The following GLCE variants were observed in gnomAD, a reference collection of about 807,000 sequenced individuals.
GLCE encodes glucuronic acid epimerase, also known as D-glucuronyl C5-epimerase.
A neutral mutation model predicts 47.9 loss-of-function variants in GLCE; 19 were observed. That is an observed-to-expected ratio of 0.40 (90% confidence interval 0.28 to 0.58). GLCE has a LOEUF of 0.58. GLCE is among the 20% of genes least tolerant of loss of function. GLCE has a pLI of 0.48. For missense variants in GLCE, 556 were observed against 743.3 expected (o/e 0.75, Z 2.93); for synonymous variants, 245 against 263.4 (o/e 0.93, Z 0.68).
chr15:69,168,062 G>C (rs923265276), intron 1 of GLCE, among the ~76,000 whole-genome samples: 1 of 151,800 alleles, frequency 6.6e-6, no homozygotes, highest in Admixed American at 6.6e-5. Context: ...TATCCTTCTT[G>C]CCTGCTTTGT....
chr15:69,193,092 C>G (rs2051937735), intron 1 of GLCE, among the ~76,000 whole-genome samples: 1 of 151,942 alleles, frequency 6.6e-6, no homozygotes, highest in Non-Finnish European at 1.5e-5. Flanking sequence ...CCCCCTCCCC[C>G]TGAATTCTAG....
intron 2 of GLCE, among the ~76,000 whole-genome samples, chr15:69,240,307 A>G (rs200785427): frequency 5.2e-5 from 1 of 19,358 alleles, no homozygotes; most frequent in African/African-American, 9.6e-5. Context: ...AAAAAAAAAA[A>G]AAAGAAAAGA....
intron 2 of GLCE, among the ~76,000 whole-genome samples, chr15:69,249,100 G>C (rs777488398): frequency 6.6e-6 from 1 of 152,166 alleles, no homozygotes; most frequent in Non-Finnish European, 1.5e-5. Flanking sequence ...AGATAAGGTG[G>C]CCAGGGAAGC....
chr15:69,226,051 C>G (rs932284693), intron 2 of GLCE, among the ~76,000 whole-genome samples: 1 of 12,654 alleles, frequency 7.9e-5, no homozygotes, highest in African/African-American at 1.7e-4. Context: ...TGCACAGACA[C>G]ACACACACAC....
chr15:69,173,107 C>CA (rs1025447336), intron 1 of GLCE, among the ~76,000 whole-genome samples: 1 of 152,082 alleles, frequency 6.6e-6, no homozygotes, highest in African/African-American at 2.4e-5. Flanking sequence ...ATAACTATCC[C>CA]AATATTCAGC....
intron 1 of GLCE, among the ~76,000 whole-genome samples, chr15:69,192,132 A>AT (rs2051922319): frequency 1.3e-5 from 2 of 151,854 alleles, no homozygotes; most frequent in African/African-American, 2.4e-5. Flanking sequence ...TTCTGTAGCT[A>AT]TTTTTTCCAA....
chr15:69,214,375 T>C (rs934205756), intron 2 of GLCE, among the ~76,000 whole-genome samples: 2 of 152,112 alleles, frequency 1.3e-5, no homozygotes, highest in Non-Finnish European at 2.9e-5. Flanking sequence ...GCATTTCTTA[T>C]AATAGTGAGT....
At chr15:69,200,026 T>C (rs1595751057) in intron 1 of GLCE, among the ~76,000 whole-genome samples, 2 of 152,134 alleles carry the variant, frequency 1.3e-5, no homozygotes, top group East Asian at 1.9e-4. Context: ...ATAATTAAGA[T>C]ATATGCAGAG....
chr15:69,223,501 C>T (rs2052404923), intron 2 of GLCE, among the ~76,000 whole-genome samples: 1 of 152,080 alleles, frequency 6.6e-6, no homozygotes, highest in African/African-American at 2.4e-5. Flanking sequence ...ATTTTAAGAT[C>T]CTCACTTTGT....
intron 2 of GLCE, among the ~76,000 whole-genome samples, chr15:69,235,780 G>A (rs183706457): frequency 7.9e-5 from 12 of 152,214 alleles, no homozygotes; most frequent in Non-Finnish European, 1.8e-4. Context: ...ACCCATTATA[G>A]ATTAATTTTA....
chr15:69,245,470 GC>G (rs1224776142), intron 2 of GLCE, among the ~76,000 whole-genome samples: 3 of 152,088 alleles, frequency 2.0e-5, no homozygotes, highest in African/African-American at 7.2e-5. Context: ...GTTGATGGCT[GC>G]TAAATGCTCA....
intron 1 of GLCE, among the ~76,000 whole-genome samples, chr15:69,169,619 C>T (rs1055774879): frequency 6.7e-6 from 1 of 148,754 alleles, no homozygotes; most frequent in African/African-American, 2.5e-5. Flanking sequence ...GTTCAATTCT[C>T]ACCTATGAAT....
At chr15:69,262,950 G>A (rs1770946407) in intron 4 of GLCE, among the ~76,000 whole-genome samples, 1 of 152,068 alleles carries the variant, frequency 6.6e-6, no homozygotes, top group Non-Finnish European at 1.5e-5. Context: ...CCTGGGGATG[G>A]GACTCAAGTC....
intron 2 of GLCE, among the ~76,000 whole-genome samples, chr15:69,247,009 T>A (rs1281499652): frequency 6.6e-6 from 1 of 152,170 alleles, no homozygotes; most frequent in African/African-American, 2.4e-5. Context: ...AAGAGTAGAT[T>A]TAGCATAATT....
At chr15:69,205,440 A>G (rs750729719) in intron 1 of GLCE, among the ~76,000 whole-genome samples, 15 of 152,128 alleles carry the variant, frequency 9.9e-5, no homozygotes, top group Non-Finnish European at 1.8e-4. Flanking sequence ...GCTATTTTGA[A>G]TAGAGCTTCT....
At chr15:69,209,484 A>C (rs1256950628) in intron 1 of GLCE, among the ~76,000 whole-genome samples, 1 of 152,224 alleles carries the variant, frequency 6.6e-6, no homozygotes, top group South Asian at 2.1e-4. Flanking sequence ...TTGATTTTCA[A>C]AACTTTTGCC....
At chr15:69,167,399 T>C (rs970144311) in intron 1 of GLCE, among the ~76,000 whole-genome samples, 1 of 152,188 alleles carries the variant, frequency 6.6e-6, no homozygotes, top group African/African-American at 2.4e-5. Flanking sequence ...TCATGACACA[T>C]GGAGACACGC....
At chr15:69,226,476 C>A (rs1167898562) in intron 2 of GLCE, among the ~76,000 whole-genome samples, 3 of 152,160 alleles carry the variant, frequency 2.0e-5, no homozygotes, top group African/African-American at 7.2e-5. Context: ...CAATTAGTCA[C>A]TCCTAAAATG....
intron 1 of GLCE, among the ~76,000 whole-genome samples, chr15:69,189,110 A>G (rs2051875999): frequency 6.6e-6 from 1 of 152,140 alleles, no homozygotes; most frequent in Admixed American, 6.5e-5. Context: ...ACAAATGTGT[A>G]ATGGCATATA....
Sources: allele counts gnomAD v4.1 joint callset (sites outside exome capture counted in the v4.1 genomes callset), GRCh38; gene constraint gnomAD v4.1.1; transcripts MANE v1.5; gene names NCBI Gene and HGNC (gene_info 2026-07-23, HGNC 2026-07-21).